Variants in LCOR observed in about 807,000 individuals in gnomAD.
LCOR encodes the protein ligand-dependent corepressor.
In LCOR, 14 loss-of-function variants were observed where a neutral mutation model predicts 64.4. The ratio of observed to expected loss-of-function variants is 0.22; its 90% CI spans 0.14 to 0.34. The LOEUF is 0.34. Among genes scored for constraint, LCOR ranks in the 10% least tolerant of loss-of-function variants. LCOR has a pLI of 1.00. For synonymous variants in LCOR, 643 were observed against 642.5 expected (o/e 1.00, Z -0.01); for missense variants, 1,686 against 1,765.3 (o/e 0.96, Z 0.80).
chr10:96,945,678 C>T (rs1847574897), intron 5 of LCOR, among the ~76,000 whole-genome samples: 1 of 152,104 alleles, frequency 6.6e-6, no homozygotes, highest in African/African-American at 2.4e-5. Flanking sequence ...ATCTTTACAG[C>T]TCCTCTCCTG....
intron 2 of LCOR, among the ~76,000 whole-genome samples, chr10:96,892,607 A>G (rs1292568488): frequency 6.6e-6 from 1 of 151,972 alleles, no homozygotes; most frequent in Non-Finnish European, 1.5e-5. Context: ...CACTGCCCTT[A>G]TTTTCTTAAT....
chr10:96,852,387 C>T (rs141855762), intron 2 of LCOR, among the ~76,000 whole-genome samples: 2 of 152,270 alleles, frequency 1.3e-5, no homozygotes, highest in East Asian at 1.9e-4. Context: ...CACCACTGCT[C>T]TCCAGCCTGG....
intron 4 of LCOR, among the ~76,000 whole-genome samples, chr10:96,911,830 G>A (rs559202315): frequency 1.9e-4 from 29 of 152,328 alleles, no homozygotes; most frequent in Non-Finnish European, 3.4e-4. Flanking sequence ...TGACTAAGAA[G>A]TCAGGAAGCT....
At position 96,833,415 on chromosome 10, in the gene LCOR, C is replaced by T. The variant is rs1300208981; in HGVS notation, c.-394C>T. 8.1e-6 allele frequency: 8 copies of T among 985,874 alleles called. No homozygotes were observed. Among genetic ancestry groups the T allele is most frequent in the Non-Finnish European group, 9.6e-6 (8 of 830,080 alleles). The allele number at this position is 985,874 out of a possible 1,614,324, so 61.1% of individuals were successfully genotyped here. The stretch of plus-strand genomic sequence containing the variant: ...GTTTTTCTCTCCCAAGGTCCCGTTT[C>T]CCTCTGTGCGGCGGCCGGCGGGACC... On this transcript the variant is annotated 5_prime_UTR_variant, in exon 2 of 8. Transcript: ENST00000421806.
intron 6 of LCOR, among the ~76,000 whole-genome samples, chr10:96,950,280 G>C (rs1346508225): frequency 6.6e-6 from 1 of 151,910 alleles, no homozygotes; most frequent in Non-Finnish European, 1.5e-5. Context: ...GTTTTCCTTT[G>C]CTTTTATCCT....
chr10:96,882,027 G>A (rs1002077044), intron 2 of LCOR, among the ~76,000 whole-genome samples: 9 of 152,144 alleles, frequency 5.9e-5, no homozygotes, highest in Admixed American at 3.9e-4. Context: ...TAGATAAGCA[G>A]CTCTCAGACT....
rs1190783217 is a variant in LCOR at position 96,982,122 on chromosome 10, A to G, written c.1662A>G (p.Thr554=). ...TTACAATTCCAGCCCCTAGACATAC[A>G]GTAGATGTGCAGCTTCCCAGAGAAG... ...QTLTIPAPRH[T]VDVQLPREDN... The change falls in exon 8 of 8, where the codon ACA becomes ACG. Residue 554 remains threonine (T), a synonymous_variant. Coordinates refer to ENST00000421806, the MANE Select transcript of LCOR (RefSeq NM_001346516.2). The G allele has an allele frequency of 6.2e-7, 1 of 1,614,168 alleles. No individual in the cohort carries two copies. Among genetic ancestry groups the G allele is most frequent in the African/African-American group, 1.3e-5 (1 of 75,026 alleles).
chr10:96,889,487 C>A (rs1846402954), intron 2 of LCOR, among the ~76,000 whole-genome samples: 1 of 152,170 alleles, frequency 6.6e-6, no homozygotes, highest in South Asian at 2.1e-4. Flanking sequence ...CTCACTTTAA[C>A]CCCACACAGC....
intron 2 of LCOR, among the ~76,000 whole-genome samples, chr10:96,871,368 T>C (rs1218229879): frequency 6.6e-6 from 1 of 152,074 alleles, no homozygotes; most frequent in Non-Finnish European, 1.5e-5. Flanking sequence ...AATTTTTTTT[T>C]TTCCTAAAGA....
At chr10:96,950,698 G>C (rs1488351619) in intron 6 of LCOR, among the ~76,000 whole-genome samples, 3 of 152,036 alleles carry the variant, frequency 2.0e-5, no homozygotes, top group Non-Finnish European at 1.5e-5. Context: ...TTCAAATGAA[G>C]TAAAAAAATT....
At chr10:96,931,812 A>G (rs909202064) in intron 4 of LCOR, among the ~76,000 whole-genome samples, 3 of 152,236 alleles carry the variant, frequency 2.0e-5, no homozygotes, top group East Asian at 3.8e-4. Context: ...AATGACAAGA[A>G]AAAAGTAAGA....
At chr10:96,897,687 C>CT (rs897499841) in intron 2 of LCOR, among the ~76,000 whole-genome samples, 3 of 151,982 alleles carry the variant, frequency 2.0e-5, no homozygotes, top group African/African-American at 7.2e-5. Flanking sequence ...TTTTTCAGGA[C>CT]TTTATCTTTT....
chr10:96,895,318 A>C (rs571794533), intron 2 of LCOR, among the ~76,000 whole-genome samples: 2 of 152,178 alleles, frequency 1.3e-5, no homozygotes, highest in Non-Finnish European at 2.9e-5. Flanking sequence ...CCAAAAGTGT[A>C]AGTGTCATTT....
intron 1 of LCOR, among the ~76,000 whole-genome samples, 195 bp downstream of exon 1, chr10:96,832,594 GCGCGCGCCGGCCCCTCCCCTC>G (rs1320541608): frequency 1.4e-5 from 2 of 143,998 alleles, no homozygotes; most frequent in Admixed American, 6.8e-5. Flanking sequence ...GCTCGGCCGA[GCGCGCGCCGGCCCCTCCCCTC>G]CGCGCGCCTC....
intron 7 of LCOR, among the ~76,000 whole-genome samples, chr10:96,969,946 ATTTTTTTTTTT>A (rs751045855): frequency 3.4e-4 from 23 of 67,736 alleles, no homozygotes; most frequent in Non-Finnish European, 5.3e-4. Context: ...CACCTGGATA[ATTTTTTTTTTT>A]TTTTTTTTTT....
chr10:96,919,575 T>C (rs1156269051), intron 4 of LCOR, among the ~76,000 whole-genome samples: 1 of 152,188 alleles, frequency 6.6e-6, no homozygotes, highest in Non-Finnish European at 1.5e-5. Flanking sequence ...AGTTAAGTAC[T>C]TGCATTGTTG....
chr10:96,969,115 T>C (rs962030268), intron 7 of LCOR, among the ~76,000 whole-genome samples: 2 of 152,192 alleles, frequency 1.3e-5, no homozygotes, highest in African/African-American at 4.8e-5. Context: ...TCTTTGCAAG[T>C]GTTGTATAAA....
intron 4 of LCOR, among the ~76,000 whole-genome samples, chr10:96,926,980 T>TAAAAGTACGCCCTAAAAGTATAA: frequency 6.6e-6 from 1 of 152,326 alleles, no homozygotes; most frequent in Middle Eastern, 3.4e-3. Context: ...TATTATGACT[T>TAAAAGTACGCCCTAAAAGTATAA]AATTGTGTAC....
At chr10:96,875,228 C>G (rs981819750) in intron 2 of LCOR, among the ~76,000 whole-genome samples, 1 of 151,828 alleles carries the variant, frequency 6.6e-6, no homozygotes, top group Non-Finnish European at 1.5e-5. Context: ...ACTAAAAATA[C>G]AAAAAGTTAG....
Sources: allele counts gnomAD v4.1 joint callset (sites outside exome capture counted in the v4.1 genomes callset), GRCh38; gene constraint gnomAD v4.1.1; transcripts MANE v1.5; gene names NCBI Gene and HGNC (gene_info 2026-07-23, HGNC 2026-07-21).